TRPM1: variants seen among roughly 807,000 people sequenced by gnomAD.
The protein encoded by TRPM1 is transient receptor potential cation channel subfamily M member 1.
Under a neutral mutation model 149.4 loss-of-function variants are expected in TRPM1, and 113 were observed. The observed-to-expected ratio is 0.76, with a 90% CI of 0.65 to 0.88. TRPM1 has a LOEUF of 0.88. TRPM1 is among the 40% of genes least tolerant of loss of function. The probability of loss-of-function intolerance (pLI) is 0.00; values close to 1 mark genes in which losing one functional copy is unlikely to be tolerated. For missense variants in TRPM1, 1,976 were observed against 2,038.7 expected, an observed-to-expected ratio of 0.97 and a Z score of 0.59; for synonymous variants, 741 against 759.5, an observed-to-expected ratio of 0.98 and a Z score of 0.40.
intron 1 of TRPM1, among the ~76,000 whole-genome samples, chr15:31,132,872 C>A (rs1424798855): frequency 6.6e-6 from 1 of 152,210 alleles, no homozygotes; most frequent in African/African-American, 2.4e-5. Context: ...CTCTTGCCTG[C>A]TGCTATGTAA....
chr15:31,105,545 G>T (rs1263837541), upstream of TRPM1, among the ~76,000 whole-genome samples: 1 of 152,020 alleles, frequency 6.6e-6, no homozygotes, highest in African/African-American at 2.4e-5. Flanking sequence ...GAAACAGAGG[G>T]ATTTTACTTA....
At chr15:31,092,939 AT>A (rs1477914125) in intron 1 of TRPM1, among the ~76,000 whole-genome samples, 1 of 152,232 alleles carries the variant, frequency 6.6e-6, no homozygotes, top group East Asian at 1.9e-4. Flanking sequence ...ACAATGCATT[AT>A]TTAGAAATAC....
chr15:31,027,490 T>A (rs1414224815), intron 25 of TRPM1, among the ~76,000 whole-genome samples: 1 of 152,258 alleles, frequency 6.6e-6, no homozygotes, highest in African/African-American at 2.4e-5. Context: ...TGACTACTTT[T>A]TTTTCAACTG....
At chr15:31,005,033 C>A (rs575579789) in intron 27 of TRPM1, among the ~76,000 whole-genome samples, 1 of 151,758 alleles carries the variant, frequency 6.6e-6, no homozygotes, top group South Asian at 2.1e-4. Context: ...ACCCAGGAGG[C>A]GGAGGTTGCA....
In TRPM1 at chr15:31,157,237, G is replaced by A. The variant is rs568918856; in HGVS notation, c.54+3669C>T. On this transcript the variant is annotated intron_variant, in intron 1 of 26. Coordinates refer to the TRPM1 transcript ENST00000542188. ...TAGTGGCTTATTTTTTAATCCAGCA[G>A]TATGTTCTGAGGTTTATCCATGTTG... Among the ~76,000 whole-genome samples the A allele has an allele frequency of 2.0e-5, 3 of 152,278 alleles. No individual in the cohort carries two copies. The East Asian group carries it at 5.8e-4, about 29-fold the overall frequency.
At chr15:31,030,163 A>G (rs1403104606) in intron 23 of TRPM1, among the ~76,000 whole-genome samples, 1 of 152,236 alleles carries the variant, frequency 6.6e-6, no homozygotes, top group Non-Finnish European at 1.5e-5. Context: ...ATACACTGAC[A>G]GCCCTACATT....
intron 1 of TRPM1, among the ~76,000 whole-genome samples, chr15:31,099,382 C>T (rs2035465386): frequency 6.6e-6 from 1 of 152,010 alleles, no homozygotes; most frequent in African/African-American, 2.4e-5. Context: ...CCAGGTCCAG[C>T]ATTTACACAC....
chr15:31,010,367 T>C (rs1281897158), intron 27 of TRPM1, among the ~76,000 whole-genome samples: 1 of 152,204 alleles, frequency 6.6e-6, no homozygotes, highest in Non-Finnish European at 1.5e-5. Flanking sequence ...CTTCAGTTCT[T>C]ACTGTCTTTG....
At chr15:31,100,930 T>G (rs1160609771) in intron 1 of TRPM1, among the ~76,000 whole-genome samples, 1 of 152,182 alleles carries the variant, frequency 6.6e-6, no homozygotes, top group South Asian at 2.1e-4. Context: ...GATGGGTTCC[T>G]AGGTGTGGAC....
chr15:31,037,519 A>G (rs976121504), intron 20 of TRPM1, among the ~76,000 whole-genome samples, 192 bp downstream of exon 20: 1 of 152,206 alleles, frequency 6.6e-6, no homozygotes, highest in Non-Finnish European at 1.5e-5. Flanking sequence ...ATGGCCATAT[A>G]TCAATATGTG....
chr15:31,001,946 A>G lies in TRPM1; in HGVS notation c.4754T>C (p.Ile1585Thr). 1 of 1,614,162 alleles carries G rather than the reference A, an allele frequency of 6.2e-7. No homozygotes were observed. Among genetic ancestry groups the G allele is most frequent in the Non-Finnish European group, 8.5e-7 (1 of 1,180,026 alleles). Residue 1585 changes from isoleucine to threonine, a missense_variant, in exon 28 of 28, where the codon ATT (isoleucine) becomes ACT (threonine). By Grantham distance (89) the Ile-to-Thr change is moderately conservative. Transcript: ENST00000256552. ...TCCAGATCTGTCTAACTTTCCCTGA[A>G]TGGATTTCACATTCCTAGGATGTCC... Reference protein sequence around the residue: ...LHGHPRNVKSIQGKLDRSGHA... With the variant: ...LHGHPRNVKSTQGKLDRSGHA...
intron 27 of TRPM1, among the ~76,000 whole-genome samples, chr15:31,007,504 C>A (rs1200347152): frequency 1.3e-5 from 2 of 152,056 alleles, no homozygotes; most frequent in East Asian, 3.8e-4. Flanking sequence ...ATTTAATTTT[C>A]AAAATAAGTT....
chr15:31,046,723 T>C (rs930039629), intron 15 of TRPM1, among the ~76,000 whole-genome samples: 3 of 151,984 alleles, frequency 2.0e-5, no homozygotes, highest in African/African-American at 4.8e-5. Context: ...TGATAATGAG[T>C]TTGGATACGA....
intron 27 of TRPM1, 71 bp downstream of exon 27, chr15:31,026,068 C>A (rs185891779): frequency 6.3e-7 from 1 of 1,595,124 alleles, no homozygotes; most frequent in African/African-American, 1.3e-5. Context: ...CTCTGGCATC[C>A]CCCATAGAGT....
chr15:31,110,020 C>A (rs191534479), intron 1 of TRPM1, among the ~76,000 whole-genome samples: 1 of 152,150 alleles, frequency 6.6e-6, no homozygotes, highest in Non-Finnish European at 1.5e-5. Context: ...CCTTCCTTTT[C>A]AAAGTCTTAT....
intron 1 of TRPM1, among the ~76,000 whole-genome samples, chr15:31,088,708 C>A (rs1409966296): frequency 6.6e-6 from 1 of 151,762 alleles, no homozygotes; most frequent in African/African-American, 2.4e-5. Context: ...TGGGGGCCGT[C>A]GTATGAGATT....
intron 24 of TRPM1, among the ~76,000 whole-genome samples, chr15:31,028,839 A>G (rs1053119239): frequency 5.9e-5 from 9 of 152,174 alleles, no homozygotes; most frequent in African/African-American, 2.2e-4. Context: ...CATATTTCTA[A>G]ACATTTTCCC....
chr15:31,147,910 G>A (rs929089029), intron 1 of TRPM1, among the ~76,000 whole-genome samples: 2 of 152,212 alleles, frequency 1.3e-5, no homozygotes, highest in African/African-American at 2.4e-5. Context: ...TGGTGGCTTC[G>A]GTTTACGGCT....
At chr15:31,138,867 A>G (rs150259473) in intron 1 of TRPM1, among the ~76,000 whole-genome samples, 2 of 152,314 alleles carry the variant, frequency 1.3e-5, no homozygotes, top group Non-Finnish European at 2.9e-5. Context: ...TTCCCTTTCT[A>G]TATGTAAATA....
Sources: gnomAD v4.1 joint callset for allele counts (sites outside exome capture counted in the v4.1 genomes callset) on GRCh38, gnomAD v4.1.1 for gene constraint, MANE v1.5 for transcripts, NCBI Gene and HGNC (gene_info 2026-07-23, HGNC 2026-07-21) for gene names.